The following ACTR3C variants were observed in gnomAD, a reference collection of about 807,000 sequenced individuals.
ACTR3C encodes actin-related protein 3C.
ACTR3C carries 18 observed loss-of-function variants against 26.3 expected under a neutral mutation model. That is an observed-to-expected ratio of 0.68 (90% CI 0.47 to 1.01). The LOEUF is 1.01. Ranked by LOEUF, ACTR3C falls within the 50% of genes least tolerant of loss-of-function variation. The pLI is 0.00. For missense variants in ACTR3C, 184 were observed against 250.7 expected (o/e 0.73, Z 1.80); for synonymous variants, 55 against 94.5 (o/e 0.58, Z 2.42).
chr7:150,233,731 T>C, the ACTR3C span, among the ~76,000 whole-genome samples: 1 of 148,988 alleles, frequency 6.7e-6, no homozygotes, highest in Non-Finnish European at 1.5e-5. Flanking sequence ...TTTTTGCATG[T>C]TGACTGTTTC....
At chr7:150,228,102 CATCTT>C in the ACTR3C span, among the ~76,000 whole-genome samples, 1 of 152,132 alleles carries the variant, frequency 6.6e-6, no homozygotes, top group Non-Finnish European at 1.5e-5. Context: ...GGATAATTGA[CATCTT>C]AATATTATTG....
the ACTR3C span, among the ~76,000 whole-genome samples, chr7:149,972,837 C>T: frequency 3.9e-5 from 6 of 152,136 alleles, no homozygotes; most frequent in East Asian, 5.8e-4. Flanking sequence ...CATCTGTCCC[C>T]AGGTAATCAT....
the ACTR3C span, among the ~76,000 whole-genome samples, chr7:149,929,722 G>T: frequency 3.4e-4 from 52 of 151,944 alleles, no homozygotes; most frequent in African/African-American, 1.2e-3. Context: ...GTAGAGACGG[G>T]GTTTCACCAT....
At chr7:150,250,959 T>C (rs1349241714) in intron 6 of ACTR3C, among the ~76,000 whole-genome samples, 2 of 152,208 alleles carry the variant, frequency 1.3e-5, no homozygotes, top group African/African-American at 2.4e-5. Flanking sequence ...AGGGAGCAGG[T>C]GTCAACTTTA....
chr7:150,221,068 C>T, the ACTR3C span, among the ~76,000 whole-genome samples: 3 of 152,270 alleles, frequency 2.0e-5, no homozygotes, highest in Non-Finnish European at 4.4e-5. Flanking sequence ...TGGGACGGCA[C>T]CCGGGCTCGT....
At chr7:150,154,119 T>C in the ACTR3C span, among the ~76,000 whole-genome samples, 1 of 148,226 alleles carries the variant, frequency 6.7e-6, no homozygotes, top group Non-Finnish European at 1.5e-5. Context: ...ATATACCTAA[T>C]GCTAAATGAC....
the ACTR3C span, among the ~76,000 whole-genome samples, chr7:149,931,327 G>C: frequency 6.6e-6 from 1 of 152,186 alleles, no homozygotes; most frequent in East Asian, 1.9e-4. Context: ...CTCCCTGCCA[G>C]GTGCCCGTCT....
At chr7:149,908,845 G>A in the ACTR3C span, among the ~76,000 whole-genome samples, 35 of 150,924 alleles carry the variant, frequency 2.3e-4, no homozygotes, top group Admixed American at 4.0e-4. Flanking sequence ...GCAGTGGCAC[G>A]ATCCCGGCTC....
At chr7:150,039,096 G>T in the ACTR3C span, among the ~76,000 whole-genome samples, 1 of 149,642 alleles carries the variant, frequency 6.7e-6, no homozygotes, top group Admixed American at 6.6e-5. Context: ...AACACCCACA[G>T]TCCTCCAGGT....
chr7:150,318,741 A>G (rs1412009643), intron 1 of ACTR3C, among the ~76,000 whole-genome samples: 1 of 152,224 alleles, frequency 6.6e-6, no homozygotes, highest in Non-Finnish European at 1.5e-5. Flanking sequence ...GTGAGACTCC[A>G]TCTCAACAAC....
chr7:149,981,685 A>G, the ACTR3C span, among the ~76,000 whole-genome samples: 2 of 151,534 alleles, frequency 1.3e-5, no homozygotes, highest in Non-Finnish European at 3.0e-5. Flanking sequence ...TGTCTTTCAC[A>G]CCATCTGATG....
At chr7:150,298,370 A>T (rs1297693587) in intron 1 of ACTR3C, among the ~76,000 whole-genome samples, 99 of 148,200 alleles carry the variant, frequency 6.7e-4, no homozygotes, top group African/African-American at 2.4e-3. Context: ...TAACATTTTA[A>T]AAAAATAGTT....
the ACTR3C span, among the ~76,000 whole-genome samples, chr7:150,088,334 T>C: frequency 6.4e-4 from 98 of 152,384 alleles, no homozygotes; most frequent in African/African-American, 2.0e-3. Flanking sequence ...GGTCCTATTA[T>C]GCATTAGATG....
At chr7:150,193,407 TC>T in the ACTR3C span, among the ~76,000 whole-genome samples, 2 of 145,402 alleles carry the variant, frequency 1.4e-5, no homozygotes, top group African/African-American at 2.6e-5. Context: ...TTTTTTATTT[TC>T]TTTTTTTTTT....
chr7:149,994,158 C>T, the ACTR3C span, among the ~76,000 whole-genome samples: 1 of 152,062 alleles, frequency 6.6e-6, no homozygotes, highest in African/African-American at 2.4e-5. Flanking sequence ...TGAGACTTAT[C>T]CTAAGGATGA....
the ACTR3C span, among the ~76,000 whole-genome samples, chr7:150,053,894 G>A: frequency 2.0e-5 from 3 of 152,208 alleles, no homozygotes; most frequent in African/African-American, 7.2e-5. Context: ...GGTTGAGCGT[G>A]AGCACAACTT....
At chr7:149,939,180 A>C in the ACTR3C span, among the ~76,000 whole-genome samples, 2 of 151,988 alleles carry the variant, frequency 1.3e-5, no homozygotes, top group African/African-American at 4.8e-5. Context: ...GAATTTCTCC[A>C]TGTTGGTCAG....
chr7:150,180,746 G>C, the ACTR3C span, among the ~76,000 whole-genome samples: 2 of 149,032 alleles, frequency 1.3e-5, no homozygotes. Context: ...TCCTGACCTC[G>C]TGATCCGCCC....
chr7:149,927,188 T>A, the ACTR3C span, among the ~76,000 whole-genome samples: 2 of 152,082 alleles, frequency 1.3e-5, no homozygotes, highest in Admixed American at 1.3e-4. Flanking sequence ...CCTTCTTACA[T>A]CTCAAGGTAG....
Sources: gnomAD v4.1 joint callset for allele counts (sites outside exome capture counted in the v4.1 genomes callset) on GRCh38, gnomAD v4.1.1 for gene constraint, MANE v1.5 for transcripts, NCBI Gene and HGNC (gene_info 2026-07-23, HGNC 2026-07-21) for gene names.